MYO18B: variants seen among roughly 807,000 people sequenced by gnomAD.
MYO18B encodes myosin XVIIIB.
A neutral mutation model predicts 273.0 loss-of-function variants in MYO18B; 204 were observed. The ratio of observed to expected loss-of-function variants is 0.75; its 90% CI spans 0.67 to 0.84. The LOEUF is 0.84. Among genes scored for constraint, MYO18B ranks in the 40% least tolerant of loss-of-function variants. MYO18B has a pLI of 0.00. For synonymous variants in MYO18B, 1,330 were observed against 1,305.7 expected (o/e 1.02, Z -0.40); for missense variants, 3,212 against 3,287.6 (o/e 0.98, Z 0.56).
intron 7 of MYO18B, among the ~76,000 whole-genome samples, chr22:25,775,132 T>G (rs2086868122): frequency 6.6e-6 from 1 of 152,170 alleles, no homozygotes; most frequent in Admixed American, 6.5e-5. Flanking sequence ...TTTCCCAGAC[T>G]GGGGGATGGC....
At chr22:25,777,466 GCAGATCTGGAGGCAGGGACA>G (rs1490908832) in intron 7 of MYO18B, 97 bp from the exon 8 acceptor site, 2 of 969,204 alleles carry the variant, frequency 2.1e-6, no homozygotes, top group Non-Finnish European at 2.9e-6. Context: ...GGATCTGGAG[GCAGATCTGGAGGCAGGGACA>G]CAGATCTGGA....
chr22:25,852,232 CTT>C (rs1027692371), intron 21 of MYO18B, among the ~76,000 whole-genome samples: 4 of 152,214 alleles, frequency 2.6e-5, no homozygotes, highest in Non-Finnish European at 4.4e-5. Flanking sequence ...TTCCCCGAAT[CTT>C]TGCGTGGCTG....
chr22:25,998,523 C>T (rs1471693918), intron 40 of MYO18B, among the ~76,000 whole-genome samples: 1 of 152,198 alleles, frequency 6.6e-6, no homozygotes, highest in East Asian at 1.9e-4. Context: ...GGACATTTTC[C>T]AACGTACATC....
At chr22:25,875,504 G>GC (rs2091164865) in intron 23 of MYO18B, among the ~76,000 whole-genome samples, 4 of 82,612 alleles carry the variant, frequency 4.8e-5, no homozygotes, top group Non-Finnish European at 1.1e-4. Context: ...TGCTGTTCTG[G>GC]TCCCCCCCCC....
intron 15 of MYO18B, among the ~76,000 whole-genome samples, chr22:25,829,284 G>T (rs1434757683): frequency 1.3e-5 from 2 of 152,164 alleles, no homozygotes; most frequent in Non-Finnish European, 2.9e-5. Flanking sequence ...TAAGCAGAAG[G>T]CTCCTCCAAG....
At chr22:25,933,335 TACCCTGGCCCCACCCTCC>T (rs1326894697) in intron 34 of MYO18B, among the ~76,000 whole-genome samples, 2 of 152,172 alleles carry the variant, frequency 1.3e-5, no homozygotes, top group African/African-American at 4.8e-5. Context: ...AAAATCTCCT[TACCCTGGCCCCACCCTCC>T]ACCTGGCCTT....
intron 17 of MYO18B, among the ~76,000 whole-genome samples, chr22:25,840,914 C>G (rs938999263): frequency 2.6e-5 from 4 of 152,120 alleles, no homozygotes; most frequent in Non-Finnish European, 5.9e-5. Context: ...GCCTTAAACC[C>G]CCTGAGAAGA....
In MYO18B at chr22:25,742,705, G is replaced by A. The variant is rs906904449; in HGVS notation, c.-110+412G>A. ...TTCACTGGTGTTCAGTTATGGTCGG[G>A]GAAGAGCCAGGCTTCCCCTTTCGTG... On this transcript the variant is annotated intron_variant, in intron 1 of 43. Transcript: ENST00000335473. Among the ~76,000 whole-genome samples, 5 of 152,210 alleles carry A rather than the reference G, an allele frequency of 3.3e-5. 1 individual carries two copies. The highest frequency in any genetic ancestry group is 5.9e-5 in the Non-Finnish European group (4 of 68,040).
At chr22:25,891,921 G>C (rs918344981) in intron 27 of MYO18B, among the ~76,000 whole-genome samples, 36 of 152,264 alleles carry the variant, frequency 2.4e-4, no homozygotes, top group African/African-American at 8.2e-4. Context: ...CCAGCTACTT[G>C]GGAGGCTGAG....
chr22:25,996,127 G>A (rs1933208240), intron 40 of MYO18B, among the ~76,000 whole-genome samples: 1 of 152,200 alleles, frequency 6.6e-6, no homozygotes, highest in African/African-American at 2.4e-5. Flanking sequence ...GAGATCTAAT[G>A]GTTAATTTCT....
chr22:25,902,546 C>T (rs2091958885), intron 29 of MYO18B, 67 bp from the exon 30 acceptor site: 4 of 1,538,912 alleles, frequency 2.6e-6, no homozygotes, highest in African/African-American at 2.7e-5. Context: ...CCCCTCCCTG[C>T]CCCTGCCTCA....
Position 25,838,873 on chromosome 22 carries a change from G to GTA in MYO18B, c.3208+3446_3208+3447dup, listed in dbSNP as rs61430921. On this transcript the variant is annotated intron_variant, in intron 17 of 43. Coordinates refer to ENST00000335473, the MANE Select transcript of MYO18B (RefSeq NM_032608.7). ...TGTGTATGTGTGTGAACATGTTTGTGTATATATATATATATATCTGTGTCT... is the reference window on the plus strand; with the variant it reads ...TGTGTATGTGTGTGAACATGTTTGTGTATATATATATATATATATCTGTGTCT... Among the ~76,000 whole-genome samples, 1,226 of 151,260 alleles carry GTA rather than the reference G, an allele frequency of 8.1e-3. 8 individuals are homozygous for GTA. The highest frequency in any genetic ancestry group is 0.017 in the Middle Eastern group (5 of 294).
At chr22:25,876,002 CCGTGTGTGTG>C (rs985258628) in intron 23 of MYO18B, among the ~76,000 whole-genome samples, 177 bp from the exon 24 acceptor site, 1 of 120,496 alleles carries the variant, frequency 8.3e-6, no homozygotes, top group African/African-American at 3.2e-5. Flanking sequence ...GAAAGGAAGC[CCGTGTGTGTG>C]TGTGTGTGTG....
At chr22:25,825,377 A>G (rs947400134) in intron 13 of MYO18B, among the ~76,000 whole-genome samples, 9 of 152,114 alleles carry the variant, frequency 5.9e-5, no homozygotes, top group African/African-American at 2.2e-4. Context: ...TCCTCCAGGC[A>G]CTAGTGCGCA....
chr22:25,896,330 G>A (rs1050129452), intron 28 of MYO18B: 2 of 152,082 alleles, frequency 1.3e-5, no homozygotes, highest in Non-Finnish European at 2.9e-5. Context: ...GGTGCATGCA[G>A]TTCTTTGAGG....
intron 25 of MYO18B, among the ~76,000 whole-genome samples, chr22:25,889,057 A>G (rs1481593434): frequency 6.6e-6 from 1 of 150,558 alleles, no homozygotes; most frequent in Non-Finnish European, 1.5e-5. Context: ...AAAAAAAAAA[A>G]AATCTCAATT....
At chr22:26,040,614 G>A in the MYO18B span, among the ~76,000 whole-genome samples, 6 of 152,170 alleles carry the variant, frequency 3.9e-5, no homozygotes, top group Non-Finnish European at 7.3e-5. Context: ...AGAGTGGGCA[G>A]GAGAAGGCCT....
At chr22:25,761,592 A>G (rs910820005) in intron 2 of MYO18B, among the ~76,000 whole-genome samples, 4 of 152,062 alleles carry the variant, frequency 2.6e-5, no homozygotes, top group African/African-American at 9.7e-5. Context: ...TCCTCCCCAG[A>G]TATTCCTTTC....
chr22:25,920,372 G>A (rs1186796683), intron 33 of MYO18B, among the ~76,000 whole-genome samples: 1 of 152,186 alleles, frequency 6.6e-6, no homozygotes, highest in Non-Finnish European at 1.5e-5. Flanking sequence ...GTGACCAGCT[G>A]TCGAAATTTC....
Sources: gnomAD v4.1 joint callset for allele counts (sites outside exome capture counted in the v4.1 genomes callset) on GRCh38, gnomAD v4.1.1 for gene constraint, MANE v1.5 for transcripts, NCBI Gene and HGNC (gene_info 2026-07-23, HGNC 2026-07-21) for gene names.